Variants in FNDC3B observed in about 807,000 individuals in gnomAD.
FNDC3B encodes the protein fibronectin type III domain containing 3B, also known as fibronectin type III domain-containing protein 3B.
In FNDC3B, 12 loss-of-function variants were observed where a neutral mutation model predicts 151.5. The ratio of observed to expected loss-of-function variants is 0.08; its 90% confidence interval spans 0.05 to 0.13. The LOEUF (loss-of-function observed/expected upper bound fraction) is 0.13, where lower values mean the gene tolerates loss of function less well. FNDC3B is among the 10% of genes least tolerant of loss of function. The pLI, the probability that FNDC3B is intolerant of heterozygous loss-of-function variation, is 1.00. For missense variants in FNDC3B, 1,214 were observed against 1,505.3 expected (o/e 0.81, Z 3.20); for synonymous variants, 528 against 549.0 (o/e 0.96, Z 0.54).
intron 2 of FNDC3B, among the ~76,000 whole-genome samples, chr3:172,128,559 G>C (rs1720914472): frequency 1.3e-5 from 2 of 152,120 alleles, no homozygotes; most frequent in African/African-American, 4.8e-5. Flanking sequence ...GGAATCTTGG[G>C]GGTGGGGCTG....
chr3:172,339,889 T>C (rs1165362904), intron 16 of FNDC3B, among the ~76,000 whole-genome samples: 1 of 152,232 alleles, frequency 6.6e-6, no homozygotes, highest in African/African-American at 2.4e-5. Context: ...TTGCCTTTCT[T>C]CATATGGCCT....
intron 3 of FNDC3B, among the ~76,000 whole-genome samples, chr3:172,180,938 C>CA (rs1259935658): frequency 6.6e-6 from 1 of 150,762 alleles, no homozygotes; most frequent in Admixed American, 6.6e-5. Context: ...TAGGTTGGGG[C>CA]AAAAAAATAT....
At chr3:172,060,601 C>A (rs746517360) in intron 1 of FNDC3B, among the ~76,000 whole-genome samples, 1 of 152,122 alleles carries the variant, frequency 6.6e-6, no homozygotes, top group South Asian at 2.1e-4. Context: ...TGTAAAGATG[C>A]GGCAAGAGAA....
chr3:172,368,746 C>T (rs185277169), intron 23 of FNDC3B, among the ~76,000 whole-genome samples: 1 of 152,214 alleles, frequency 6.6e-6, no homozygotes, highest in Admixed American at 6.5e-5. Context: ...TGCGGTGACT[C>T]ATGCCTGTAA....
At chr3:172,230,659 G>T (rs574886817) in intron 4 of FNDC3B, among the ~76,000 whole-genome samples, 153 of 152,298 alleles carry the variant, frequency 1.0e-3, no homozygotes, top group Non-Finnish European at 1.9e-3. Context: ...AATGGGCAAA[G>T]GACCTGAATA....
At chr3:172,285,735 A>C (rs562598896) in intron 6 of FNDC3B, among the ~76,000 whole-genome samples, 191 bp from the exon 7 acceptor site, 1 of 152,352 alleles carries the variant, frequency 6.6e-6, no homozygotes, top group South Asian at 2.1e-4. Flanking sequence ...TCAGTGAACC[A>C]TAGTGAAACT....
chr3:172,189,570 T>C (rs193099711), intron 3 of FNDC3B, among the ~76,000 whole-genome samples: 4 of 152,080 alleles, frequency 2.6e-5, no homozygotes, highest in Admixed American at 2.6e-4. Context: ...AAATCACACT[T>C]TGGGAGGCTG....
At chr3:172,233,444 A>C (rs1726983666) in intron 4 of FNDC3B, among the ~76,000 whole-genome samples, 2 of 152,246 alleles carry the variant, frequency 1.3e-5, no homozygotes, top group Non-Finnish European at 2.9e-5. Flanking sequence ...AGGGAAAGAC[A>C]AGAAATGTAT....
At chr3:172,322,615 C>A (rs1476548335) in intron 11 of FNDC3B, among the ~76,000 whole-genome samples, 1 of 152,190 alleles carries the variant, frequency 6.6e-6, no homozygotes, top group Non-Finnish European at 1.5e-5. Flanking sequence ...CTTTGTATAG[C>A]ACATACAGTT....
chr3:172,384,002 A>G (rs1735582116), intron 25 of FNDC3B, among the ~76,000 whole-genome samples: 2 of 25,358 alleles, frequency 7.9e-5, no homozygotes, highest in Non-Finnish European at 1.8e-4. Flanking sequence ...AAACAGTAGC[A>G]TAATTTATAA....
chr3:172,326,809 A>AG (rs1576913964), intron 11 of FNDC3B, among the ~76,000 whole-genome samples: 1 of 149,130 alleles, frequency 6.7e-6, no homozygotes, highest in East Asian at 2.0e-4. Context: ...AGAAACACTG[A>AG]CTTTTTTTTT....
At chr3:172,080,772 T>C (rs9836206) in intron 1 of FNDC3B, among the ~76,000 whole-genome samples, 98,883 of 151,956 alleles carry the variant, frequency 0.65, 32,313 homozygotes, top group East Asian at 0.78. Flanking sequence ...GGGAGTTAGA[T>C]GGTGAATCTC....
intron 6 of FNDC3B, among the ~76,000 whole-genome samples, chr3:172,257,042 C>CT (rs1210909296): frequency 6.6e-6 from 1 of 151,972 alleles, no homozygotes; most frequent in Non-Finnish European, 1.5e-5. Context: ...AGCAATTCTC[C>CT]TGGGATTACA....
intron 1 of FNDC3B, among the ~76,000 whole-genome samples, chr3:172,093,753 A>C (rs1375445467): frequency 6.6e-6 from 1 of 152,156 alleles, no homozygotes; most frequent in African/African-American, 2.4e-5. Context: ...GGCAGTGCTA[A>C]CTTTAGTGTA....
intron 12 of FNDC3B, 54 bp downstream of exon 12, chr3:172,329,130 C>T (rs775900985): frequency 1.1e-4 from 164 of 1,558,884 alleles, no homozygotes; most frequent in Non-Finnish European, 1.4e-4. Flanking sequence ...TGATCCTGAG[C>T]CTTCTTTTAC....
intron 7 of FNDC3B, among the ~76,000 whole-genome samples, chr3:172,289,570 C>T (rs1460126966): frequency 1.3e-5 from 2 of 152,238 alleles, no homozygotes; most frequent in African/African-American, 2.4e-5. Context: ...CTTTCCTCTT[C>T]GTACCACTTT....
rs1268987058 is a variant in FNDC3B, at chr3:172,362,839, A to G, written c.3002A>G (p.Asn1001Ser). 1 of 1,612,514 alleles carries G rather than the reference A, an allele frequency of 6.2e-7. No homozygotes were observed. The highest frequency in any genetic ancestry group is 8.5e-7 in the Non-Finnish European group (1 of 1,179,060). ...TACACACTACAGCTGGAGGACAGAA[A>G]CAAGAGGTGAGGTGGGGGTGAGGAT... ...IVYTLQLEDR[N>S]KRFISIYRGP... Residue 1001 changes from asparagine (N) to serine (S), a missense_variant, in exon 23 of 26, where the codon AAC becomes AGC. Asn to Ser is a conservative substitution (Grantham distance 46). This residue lies in a region of FNDC3B where 284 missense variants were observed against 392.4 expected (regional missense o/e 0.72). Coordinates refer to ENST00000415807, the MANE Select transcript of FNDC3B (RefSeq NM_022763.4).
chr3:172,108,512 A>G (rs770156874), intron 1 of FNDC3B, among the ~76,000 whole-genome samples: 1 of 152,214 alleles, frequency 6.6e-6, no homozygotes, highest in African/African-American at 2.4e-5. Context: ...CTCACAGCTG[A>G]GTTGAGCCAC....
intron 18 of FNDC3B, 105 bp downstream of exon 18, chr3:172,343,221 C>A (rs943382723): frequency 1.4e-6 from 1 of 691,336 alleles, no homozygotes; most frequent in Non-Finnish European, 2.6e-6. Context: ...AGACCATATA[C>A]GTTTTTGTCT....
Sources: allele counts gnomAD v4.1 joint callset (sites outside exome capture counted in the v4.1 genomes callset), GRCh38; gene constraint gnomAD v4.1.1; regional missense constraint gnomAD v4.1.1; transcripts MANE v1.5; gene names NCBI Gene and HGNC (gene_info 2026-07-23, HGNC 2026-07-21).